The following LRP1B variants were observed in gnomAD, a reference collection of about 807,000 sequenced individuals.
The protein encoded by LRP1B is low-density lipoprotein receptor-related protein 1B.
LRP1B carries 217 observed loss-of-function variants against 556.6 expected under a neutral mutation model. The observed-to-expected ratio is 0.39, with a 90% CI of 0.35 to 0.44. The LOEUF (loss-of-function observed/expected upper bound fraction) is 0.44. LRP1B is among the 20% of genes least tolerant of loss of function. The probability of loss-of-function intolerance (pLI) is 1.00; values close to 1 mark genes in which losing one functional copy is unlikely to be tolerated. For synonymous variants in LRP1B, 2,047 were observed against 1,865.8 expected (o/e 1.10, Z -2.50); for missense variants, 5,053 against 5,620.8 (o/e 0.90, Z 3.23).
In LRP1B at chr2:141,631,148, G is replaced by A. The variant is rs563343811; in HGVS notation, c.206-150615C>T. On this transcript the variant is annotated intron_variant, in intron 2 of 90. Coordinates refer to ENST00000389484, the MANE Select transcript of LRP1B (RefSeq NM_018557.3). ...CAAACACATCCTTCTTTACATGATGGGAGGAAGGAGAAATGCCCAGCAAAA... is the reference window on the plus strand; with the variant it reads ...CAAACACATCCTTCTTTACATGATGAGAGGAAGGAGAAATGCCCAGCAAAA... Among the ~76,000 whole-genome samples, 6 of 152,188 alleles carry A rather than the reference G, an allele frequency of 3.9e-5. 1 individual carries two copies. The highest frequency in any genetic ancestry group is 1.4e-4 in the African/African-American group (6 of 41,522).
intron 82 of LRP1B, among the ~76,000 whole-genome samples, chr2:140,321,292 TATTG>T (rs1680107928): frequency 6.6e-6 from 1 of 152,024 alleles, no homozygotes; most frequent in Non-Finnish European, 1.5e-5. Flanking sequence ...TTTCAATTTT[TATTG>T]ATTATTCCAG....
intron 3 of LRP1B, among the ~76,000 whole-genome samples, chr2:141,354,619 G>A (rs1231499381): frequency 1.3e-5 from 2 of 151,866 alleles, no homozygotes; most frequent in Non-Finnish European, 2.9e-5. Context: ...TTCCTAAAAC[G>A]ACCGAGGAGG....
chr2:140,896,528 C>T (rs1419931624), intron 23 of LRP1B, among the ~76,000 whole-genome samples: 2 of 152,200 alleles, frequency 1.3e-5, no homozygotes, highest in African/African-American at 4.8e-5. Flanking sequence ...AATGCTCAGG[C>T]TGAAGTGCAG....
At chr2:141,441,526 T>C (rs557787896) in intron 3 of LRP1B, among the ~76,000 whole-genome samples, 1 of 152,386 alleles carries the variant, frequency 6.6e-6, no homozygotes, top group South Asian at 2.1e-4. Context: ...ACTATTTTTT[T>C]GTTTTATACT....
At chr2:141,492,312 T>C (rs1322961290) in intron 2 of LRP1B, among the ~76,000 whole-genome samples, 2 of 152,120 alleles carry the variant, frequency 1.3e-5, no homozygotes, top group Non-Finnish European at 2.9e-5. Context: ...TTTTATTTTA[T>C]AGATCTCCCT....
rs144546789 is a variant in LRP1B at position 140,702,480 on chromosome 2, C to A, written c.6097G>T (p.Val2033Phe). ...KARLDGSEKV[V>F]LVSMGIAWPN... ...CATGCTATTCCCATGCTTACAAGGACAACCTTCTCTGAGCCATCCAAGCGA... is the reference window on the plus strand; with the variant it reads ...CATGCTATTCCCATGCTTACAAGGAAAACCTTCTCTGAGCCATCCAAGCGA... The change falls in exon 38 of 91, where the codon GTC becomes TTC. Residue 2033 changes from valine (V) to phenylalanine (F), a missense_variant. Around this residue, in one of 5 missense-constraint regions of LRP1B, gnomAD observed 3,619 missense variants for 3,931.9 expected, o/e 0.92. Coordinates refer to ENST00000389484, the MANE Select transcript of LRP1B (RefSeq NM_018557.3). The A allele has an allele frequency of 6.2e-7, 1 of 1,613,566 alleles. No homozygotes were observed. The highest frequency in any genetic ancestry group is 1.3e-5 in the African/African-American group (1 of 74,982).
intron 29 of LRP1B, among the ~76,000 whole-genome samples, chr2:140,845,410 T>C (rs535080645): frequency 1.3e-5 from 2 of 152,052 alleles, no homozygotes; most frequent in South Asian, 2.1e-4. Flanking sequence ...TTTCTCTCCA[T>C]CAATAAAAAA....
At chr2:141,969,548 G>T (rs1219729627) in intron 1 of LRP1B, among the ~76,000 whole-genome samples, 2 of 151,516 alleles carry the variant, frequency 1.3e-5, no homozygotes, top group Non-Finnish European at 3.0e-5. Context: ...CACTTATAAT[G>T]TTCACCAATT....
chr2:140,911,268 G>C (rs925438937), intron 21 of LRP1B, among the ~76,000 whole-genome samples: 4 of 151,698 alleles, frequency 2.6e-5, no homozygotes, highest in Admixed American at 6.6e-5. Context: ...GGATAGACTT[G>C]TCTCTATTTG....
chr2:140,342,091 TGTAA>T (rs1252312979), intron 77 of LRP1B, among the ~76,000 whole-genome samples: 1 of 151,558 alleles, frequency 6.6e-6, no homozygotes, highest in Non-Finnish European at 1.5e-5. Context: ...GGTGAGGCTA[TGTAA>T]GTATTATATA....
At chr2:140,276,325 C>T (rs1682671174) in intron 84 of LRP1B, among the ~76,000 whole-genome samples, 1 of 151,916 alleles carries the variant, frequency 6.6e-6, no homozygotes, top group Non-Finnish European at 1.5e-5. Flanking sequence ...CTTGCTGTTG[C>T]ACTGTGCCAG....
intron 2 of LRP1B, among the ~76,000 whole-genome samples, chr2:141,683,484 C>T (rs183108883): frequency 1.3e-5 from 2 of 152,134 alleles, no homozygotes; most frequent in Admixed American, 1.3e-4. Context: ...GGATAATGGA[C>T]CCTTGTTACA....
chr2:142,045,079 A>G (rs1365054527), intron 1 of LRP1B, among the ~76,000 whole-genome samples: 1 of 151,520 alleles, frequency 6.6e-6, no homozygotes, highest in Non-Finnish European at 1.5e-5. Flanking sequence ...TTTAATTTTC[A>G]TGAATACTGA....
chr2:140,265,288 A>T (rs1007910507), intron 86 of LRP1B, among the ~76,000 whole-genome samples: 2 of 151,926 alleles, frequency 1.3e-5, no homozygotes, highest in African/African-American at 2.4e-5. Context: ...AGATTTTTTT[A>T]AAAAAACATT....
At chr2:141,011,350 C>A (rs1044915848) in intron 14 of LRP1B, among the ~76,000 whole-genome samples, 4 of 151,902 alleles carry the variant, frequency 2.6e-5, no homozygotes, top group Admixed American at 6.6e-5. Flanking sequence ...AGACAAACTG[C>A]TCACAACTGA....
chr2:141,061,982 T>C, intron 8 of LRP1B, 69 bp downstream of exon 8: 1 of 1,251,968 alleles, frequency 8.0e-7, no homozygotes, highest in African/African-American at 1.5e-5. Flanking sequence ...ATTTTCAGTA[T>C]TGCAAATTTT....
intron 10 of LRP1B, among the ~76,000 whole-genome samples, chr2:141,049,646 A>G (rs534435554): frequency 3.2e-4 from 49 of 152,246 alleles, no homozygotes; most frequent in Non-Finnish European, 5.4e-4. Context: ...AATTTAAGAC[A>G]CACCAACCCC....
chr2:140,234,218 C>T (rs1680595866), intron 90 of LRP1B, among the ~76,000 whole-genome samples: 4 of 151,228 alleles, frequency 2.6e-5, no homozygotes, highest in Admixed American at 2.0e-4. Flanking sequence ...AGAGAATTCT[C>T]ATCCCTAGGA....
chr2:141,045,531 C>A (rs1698844100), intron 11 of LRP1B, among the ~76,000 whole-genome samples: 1 of 151,902 alleles, frequency 6.6e-6, no homozygotes, highest in Admixed American at 6.6e-5. Context: ...AATTTAAATT[C>A]TCTAACCATT....
Sources: allele counts gnomAD v4.1 joint callset (sites outside exome capture counted in the v4.1 genomes callset), GRCh38; gene constraint gnomAD v4.1.1; regional missense constraint gnomAD v4.1.1; transcripts MANE v1.5; gene names NCBI Gene and HGNC (gene_info 2026-07-23, HGNC 2026-07-21).